Variants in SLC13A1 observed in about 807,000 individuals in gnomAD.
The protein encoded by SLC13A1 is Na(+)/sulfate cotransporter.
A neutral mutation model predicts 70.0 loss-of-function variants in SLC13A1; 65 were observed. The ratio of observed to expected loss-of-function variants is 0.93; its 90% CI spans 0.76 to 1.14. The LOEUF (loss-of-function observed/expected upper bound fraction) is 1.14. SLC13A1 is among the 50% of genes most tolerant of loss of function. The pLI, the probability that SLC13A1 is intolerant of heterozygous loss-of-function variation, is 0.00. For synonymous variants in SLC13A1, 275 were observed against 250.5 expected, an observed-to-expected ratio of 1.10 and a Z score of -0.92; for missense variants, 726 against 717.8, an observed-to-expected ratio of 1.01 and a Z score of -0.13.
At position 123,169,296 on chromosome 7, in the gene SLC13A1, A is replaced by G. The variant is rs770919333; in HGVS notation, c.405T>C (p.Ser135=). ...CCGTCGAGGTGTTGCTGAGCCACAT[A>G]GACAAAAAGGCAGTGCTGCTCATGA... The part of the protein sequence containing the change: ...LGFMSSTAFL[S]MWLSNTSTAA... The change falls in exon 4 of 15, where the codon TCT becomes TCC. Residue 135 remains serine (S), a synonymous_variant. Transcript: ENST00000194130. The G allele has an allele frequency of 1.2e-6, 2 of 1,613,572 alleles. No homozygotes were observed. The highest frequency in any genetic ancestry group is 1.7e-6 in the Non-Finnish European group (2 of 1,180,004).
At chr7:123,162,510 G>A (rs572403145) in intron 6 of SLC13A1, among the ~76,000 whole-genome samples, 15 of 152,052 alleles carry the variant, frequency 9.9e-5, no homozygotes, top group Non-Finnish European at 2.9e-5. Context: ...GGAAACCCTA[G>A]GTTGAGTCAG....
At position 123,178,033 on chromosome 7, in the gene SLC13A1, C is replaced by CTCTA. The variant is rs761704605; in HGVS notation, c.228+2939_228+2940insTAGA. Among the ~76,000 whole-genome samples, 7 of 150,048 alleles carry CTCTA rather than the reference C, an allele frequency of 4.7e-5. 1 individual carries two copies. Among genetic ancestry groups the CTCTA allele is most frequent in the South Asian group, 4.2e-4 (2 of 4,764 alleles). The stretch of plus-strand genomic sequence containing the variant: ...TCTCTCTCTTTCTCTCTCTCTCTCT[C>CTCTA]TATATATATATATATATCTCCATAC... On this transcript the variant is annotated intron_variant, in intron 2 of 14. Coordinates refer to ENST00000194130, the MANE Select transcript of SLC13A1 (RefSeq NM_022444.4).
At chr7:123,159,816 T>A (rs920308584) in intron 6 of SLC13A1, among the ~76,000 whole-genome samples, 11 of 152,072 alleles carry the variant, frequency 7.2e-5, no homozygotes, top group African/African-American at 2.7e-4. Flanking sequence ...GGATAAAACA[T>A]GTCGGGTAGA....
chr7:123,178,637 C>A (rs1795538130), intron 2 of SLC13A1, among the ~76,000 whole-genome samples: 1 of 152,072 alleles, frequency 6.6e-6, no homozygotes, highest in Admixed American at 6.6e-5. Context: ...ATGACTAAAT[C>A]TCTAGCTCAT....
intron 1 of SLC13A1, chr7:123,190,625 T>A (rs769752895): frequency 2.2e-6 from 1 of 456,672 alleles, no homozygotes. Context: ...TGTTGAGCAT[T>A]AGAATAAGCT....
At chr7:123,195,443 T>C (rs1334451173) in intron 1 of SLC13A1, among the ~76,000 whole-genome samples, 1 of 151,954 alleles carries the variant, frequency 6.6e-6, no homozygotes, top group Non-Finnish European at 1.5e-5. Context: ...TCCCTCTTCT[T>C]TCACTTATAG....
At chr7:123,190,449 G>T (rs1795956310) in intron 1 of SLC13A1, 1 of 387,160 alleles carries the variant, frequency 2.6e-6, no homozygotes, top group Admixed American at 3.4e-5. Flanking sequence ...GAAATGGCTG[G>T]TAACTCACCT....
At chr7:123,139,231 A>G (rs900278533) in intron 7 of SLC13A1, among the ~76,000 whole-genome samples, 2 of 151,920 alleles carry the variant, frequency 1.3e-5, no homozygotes, top group Non-Finnish European at 2.9e-5. Context: ...CTGTAGGTGT[A>G]TGGATTTGCT....
At chr7:123,181,145 G>A (rs1795626890) in intron 1 of SLC13A1, 44 bp from the exon 2 acceptor site, 2 of 1,588,002 alleles carry the variant, frequency 1.3e-6, no homozygotes, top group East Asian at 2.3e-5. Context: ...TTATGAGGCT[G>A]GAGAAGTCAA....
intron 4 of SLC13A1, 49 bp from the exon 5 acceptor site, chr7:123,168,610 T>C (rs747275777): frequency 7.6e-6 from 11 of 1,441,742 alleles, no homozygotes; most frequent in East Asian, 2.4e-5. Context: ...GGGATTATCA[T>C]TGGGTTTGCC....
chr7:123,119,167 T>C lies in SLC13A1; in HGVS notation c.1426A>G (p.Ile476Val), dbSNP rs758207818. The stretch of plus-strand genomic sequence containing the variant: ...AAAGATGTCACCATCAAAGAAGATA[T>C]CAGAATTATTAGCCATGCTGGTAAT... ...GSLPAWLIIL[I>V]SSLMVTSLTE... The change falls in exon 13 of 15, where the codon ATA becomes GTA. Residue 476 changes from isoleucine to valine, a missense_variant. Physicochemically the swap from Ile to Val is conservative, Grantham distance 29. Coordinates refer to ENST00000194130, the MANE Select transcript of SLC13A1 (RefSeq NM_022444.4). 15 of 1,612,656 alleles carry C rather than the reference T, an allele frequency of 9.3e-6. No individual in the cohort carries two copies. Among genetic ancestry groups the C allele is most frequent in the Middle Eastern group, 1.7e-4 (1 of 6,056 alleles).
intron 1 of SLC13A1, chr7:123,190,311 T>A: frequency 3.0e-6 from 1 of 332,762 alleles, no homozygotes; most frequent in Non-Finnish European, 6.0e-6. Flanking sequence ...AGCAATGTGA[T>A]GCAGACTGGC....
At chr7:123,166,886 T>C (rs1352532060) in intron 6 of SLC13A1, among the ~76,000 whole-genome samples, 4 of 152,132 alleles carry the variant, frequency 2.6e-5, no homozygotes, top group Non-Finnish European at 5.9e-5. Flanking sequence ...GGGCGAAGGA[T>C]ATGAACAGAC....
At chr7:123,129,631 G>A (rs1437785889) in intron 8 of SLC13A1, 150 bp from the exon 9 acceptor site, 1 of 597,572 alleles carries the variant, frequency 1.7e-6, no homozygotes, top group African/African-American at 2.0e-5. Context: ...AGATATCTGT[G>A]CTTTTCACCT....
At chr7:123,177,659 T>C (rs1189921710) in intron 2 of SLC13A1, among the ~76,000 whole-genome samples, 3 of 152,112 alleles carry the variant, frequency 2.0e-5, no homozygotes, top group African/African-American at 4.8e-5. Flanking sequence ...TCTGCAATAG[T>C]CATGCTCCAA....
intron 2 of SLC13A1, among the ~76,000 whole-genome samples, chr7:123,177,506 A>G (rs545671786): frequency 6.6e-6 from 1 of 152,254 alleles, no homozygotes; most frequent in African/African-American, 2.4e-5. Context: ...AAATCTTGCA[A>G]TGGACTACTT....
intron 8 of SLC13A1, among the ~76,000 whole-genome samples, chr7:123,131,280 A>G (rs1464122022): frequency 6.6e-6 from 1 of 152,168 alleles, no homozygotes; most frequent in African/African-American, 2.4e-5. Flanking sequence ...CATAAATACT[A>G]TTATAAGAAA....
chr7:123,159,290 A>C (rs982255543), intron 6 of SLC13A1, among the ~76,000 whole-genome samples: 4 of 152,184 alleles, frequency 2.6e-5, no homozygotes, highest in Non-Finnish European at 4.4e-5. Context: ...CTGTGTGGAA[A>C]AGGGCCTTTA....
intron 12 of SLC13A1, among the ~76,000 whole-genome samples, chr7:123,122,441 G>A (rs1793414838): frequency 6.6e-6 from 1 of 152,074 alleles, no homozygotes; most frequent in Admixed American, 6.6e-5. Flanking sequence ...AAATTTGGGA[G>A]AAGATAATTT....
Sources: allele counts gnomAD v4.1 joint callset (sites outside exome capture counted in the v4.1 genomes callset), GRCh38; gene constraint gnomAD v4.1.1; transcripts MANE v1.5; gene names NCBI Gene and HGNC (gene_info 2026-07-23, HGNC 2026-07-21).